Variants in HS6ST3 observed in about 807,000 individuals in gnomAD.
HS6ST3 encodes heparan-sulfate 6-O-sulfotransferase 3.
In HS6ST3, 12 loss-of-function variants were observed where a neutral mutation model predicts 36.7. The ratio of observed to expected loss-of-function variants is 0.33; its 90% CI spans 0.21 to 0.53. The LOEUF is 0.53. Among genes scored for constraint, HS6ST3 ranks in the 20% least tolerant of loss-of-function variants. The pLI, the probability that HS6ST3 is intolerant of heterozygous loss-of-function variation, is 0.95. For missense variants in HS6ST3, 584 were observed against 640.9 expected, an observed-to-expected ratio of 0.91 and a Z score of 0.96; for synonymous variants, 240 against 257.5, an observed-to-expected ratio of 0.93 and a Z score of 0.65.
chr13:96,410,715 C>T (rs556666600), intron 1 of HS6ST3, among the ~76,000 whole-genome samples: 2 of 152,124 alleles, frequency 1.3e-5, no homozygotes, highest in Non-Finnish European at 2.9e-5. Flanking sequence ...ATACAGAAAG[C>T]ACCTACTAGC....
At chr13:96,131,055 C>A (rs2053973265) in intron 1 of HS6ST3, among the ~76,000 whole-genome samples, 1 of 152,180 alleles carries the variant, frequency 6.6e-6, no homozygotes, top group Admixed American at 6.5e-5. Flanking sequence ...GCGTGAGCGA[C>A]TGCCATGGCA....
At chr13:96,307,277 T>C (rs895536391) in intron 1 of HS6ST3, among the ~76,000 whole-genome samples, 2 of 152,158 alleles carry the variant, frequency 1.3e-5, no homozygotes, top group African/African-American at 4.8e-5. Flanking sequence ...AGGCAATTAT[T>C]TGGACACATA....
chr13:96,420,904 A>C (rs1160733663), intron 1 of HS6ST3, among the ~76,000 whole-genome samples: 13 of 152,228 alleles, frequency 8.5e-5, no homozygotes, highest in Non-Finnish European at 5.9e-5. Context: ...TCTTCTAAAC[A>C]TGGTTTTCTT....
intron 1 of HS6ST3, among the ~76,000 whole-genome samples, chr13:96,317,384 ATATATATAT>A (rs2054980756): frequency 8.6e-6 from 1 of 115,828 alleles, no homozygotes; most frequent in African/African-American, 3.4e-5. Flanking sequence ...ATATATATAT[ATATATATAT>A]ATCATGGAAT....
At chr13:96,648,497 TA>T (rs1170967654) in intron 1 of HS6ST3, among the ~76,000 whole-genome samples, 1,428 of 130,514 alleles carry the variant, frequency 0.011, 9 homozygotes, top group Middle Eastern at 0.02. Flanking sequence ...TTTTTTTTTT[TA>T]TTTTATTTTA....
intron 1 of HS6ST3, among the ~76,000 whole-genome samples, chr13:96,380,868 C>T (rs935546615): frequency 2.0e-5 from 3 of 152,022 alleles, no homozygotes; most frequent in East Asian, 1.9e-4. Context: ...AAGACCTGAT[C>T]GCTACTCAGA....
At chr13:96,260,161 A>G (rs1730365503) in intron 1 of HS6ST3, among the ~76,000 whole-genome samples, 1 of 151,942 alleles carries the variant, frequency 6.6e-6, no homozygotes, top group African/African-American at 2.4e-5. Flanking sequence ...TTTGATCACT[A>G]CTTTGCAAGG....
At chr13:96,570,328 G>A (rs1158492091) in intron 1 of HS6ST3, among the ~76,000 whole-genome samples, 1 of 152,084 alleles carries the variant, frequency 6.6e-6, no homozygotes, top group Admixed American at 6.6e-5. Context: ...AATATCATTT[G>A]TATTCCCACA....
At chr13:96,294,099 G>A (rs2054843182) in intron 1 of HS6ST3, among the ~76,000 whole-genome samples, 1 of 151,976 alleles carries the variant, frequency 6.6e-6, no homozygotes, top group Non-Finnish European at 1.5e-5. Flanking sequence ...GCTGTTATTG[G>A]CATTTTTTCT....
intron 1 of HS6ST3, among the ~76,000 whole-genome samples, chr13:96,576,748 C>A (rs778805011): frequency 2.6e-5 from 4 of 151,762 alleles, no homozygotes; most frequent in South Asian, 2.1e-4. Flanking sequence ...TGGAGACCAG[C>A]CTGGCCAACA....
chr13:96,736,398 A>G (rs961361940), intron 1 of HS6ST3, among the ~76,000 whole-genome samples: 9 of 152,220 alleles, frequency 5.9e-5, no homozygotes, highest in Non-Finnish European at 1.2e-4. Context: ...ATGGCAGTTT[A>G]TAAGGATAAG....
chr13:96,587,281 GT>G (rs1566404509), intron 1 of HS6ST3, among the ~76,000 whole-genome samples: 1 of 151,196 alleles, frequency 6.6e-6, no homozygotes, highest in Non-Finnish European at 1.5e-5. Context: ...GGTTATTCAG[GT>G]TTTTTTGTAG....
intron 1 of HS6ST3, among the ~76,000 whole-genome samples, chr13:96,224,239 T>C (rs1397953742): frequency 6.6e-6 from 1 of 152,164 alleles, no homozygotes; most frequent in Admixed American, 6.5e-5. Context: ...CAGAGCCCCA[T>C]CACTGTTAAC....
chr13:96,216,550 C>T (rs1217241977), intron 1 of HS6ST3, among the ~76,000 whole-genome samples: 1 of 152,144 alleles, frequency 6.6e-6, no homozygotes, highest in African/African-American at 2.4e-5. Context: ...GTAAGAGATA[C>T]CCATGACTCA....
At chr13:96,716,959 C>T (rs1875713250) in intron 1 of HS6ST3, among the ~76,000 whole-genome samples, 1 of 152,154 alleles carries the variant, frequency 6.6e-6, no homozygotes, top group Admixed American at 6.6e-5. Context: ...TGGAAGAACT[C>T]CTAGTATTTT....
At chr13:96,686,666 T>A (rs1305701157) in intron 1 of HS6ST3, among the ~76,000 whole-genome samples, 1 of 152,066 alleles carries the variant, frequency 6.6e-6, no homozygotes, top group African/African-American at 2.4e-5. Flanking sequence ...AAAGTTTTAC[T>A]GACAAAGCAG....
At chr13:96,157,258 A>C (rs2054114823) in intron 1 of HS6ST3, among the ~76,000 whole-genome samples, 1 of 152,216 alleles carries the variant, frequency 6.6e-6, no homozygotes, top group African/African-American at 2.4e-5. Context: ...CATCTTCTTC[A>C]GAGCTTAGCT....
At chr13:96,395,206 A>G (rs1427964201) in intron 1 of HS6ST3, among the ~76,000 whole-genome samples, 1 of 152,178 alleles carries the variant, frequency 6.6e-6, no homozygotes, top group Non-Finnish European at 1.5e-5. Context: ...ATAATATTGT[A>G]AAAATTTTTA....
At chr13:96,204,165 A>G (rs1007601520) in intron 1 of HS6ST3, among the ~76,000 whole-genome samples, 5 of 152,198 alleles carry the variant, frequency 3.3e-5, no homozygotes, top group Admixed American at 2.6e-4. Flanking sequence ...TAAAATATGT[A>G]TATATTGGCA....
Sources: gnomAD v4.1 joint callset for allele counts (sites outside exome capture counted in the v4.1 genomes callset) on GRCh38, gnomAD v4.1.1 for gene constraint, MANE v1.5 for transcripts, NCBI Gene and HGNC (gene_info 2026-07-23, HGNC 2026-07-21) for gene names.